The following ESYT2 variants were observed in gnomAD, a reference collection of about 807,000 sequenced individuals.
ESYT2 encodes the protein extended synaptotagmin-2.
Under a neutral mutation model 107.2 loss-of-function variants are expected in ESYT2, and 54 were observed. The observed-to-expected ratio is 0.50, with a 90% confidence interval of 0.40 to 0.63. The LOEUF is 0.63. Ranked by LOEUF, ESYT2 falls within the 30% of genes least tolerant of loss-of-function variation. The pLI is 0.00. For missense variants in ESYT2, 1,020 were observed against 1,094.5 expected, an observed-to-expected ratio of 0.93 and a Z score of 0.96; for synonymous variants, 491 against 434.1, an observed-to-expected ratio of 1.13 and a Z score of -1.63.
chr7:158,811,189 G>GA (rs1375900904), intron 1 of ESYT2, among the ~76,000 whole-genome samples: 2 of 151,858 alleles, frequency 1.3e-5, no homozygotes, highest in African/African-American at 4.8e-5. Flanking sequence ...TTAAAATTAA[G>GA]AAAAAAGAAA....
At chr7:158,823,233 T>G (rs1360927557) in intron 1 of ESYT2, among the ~76,000 whole-genome samples, 3 of 125,504 alleles carry the variant, frequency 2.4e-5, no homozygotes, top group Non-Finnish European at 4.7e-5. Flanking sequence ...AGGCGGAGGT[T>G]GCAGTGACCC....
At chr7:158,749,444 A>C (rs773417277) in intron 15 of ESYT2, among the ~76,000 whole-genome samples, 8 of 152,216 alleles carry the variant, frequency 5.3e-5, no homozygotes, top group Non-Finnish European at 1.2e-4. Context: ...AAAAATGAAC[A>C]GTATATTTCT....
At chr7:158,782,407 T>G (rs938813391) in intron 6 of ESYT2, among the ~76,000 whole-genome samples, 1 of 141,704 alleles carries the variant, frequency 7.1e-6, no homozygotes. Context: ...AACAAGTGAG[T>G]GAACGAGTGT....
Position 158,813,032 on chromosome 7 carries a change from T to C in ESYT2, c.331-13960A>G, listed in dbSNP as rs140639509. Among the ~76,000 whole-genome samples, 283 of 152,308 alleles carry C rather than the reference T, an allele frequency of 1.9e-3. 1 individual carries two copies. Among genetic ancestry groups the C allele is most frequent in the African/African-American group, 6.2e-3 (257 of 41,576 alleles). On this transcript the variant is annotated intron_variant, in intron 1 of 22. Transcript: ENST00000275418. ...GTGATGATTACACTACATGTAAAGGTAGTAAATGGCACTGAATTGTGTCCT... is the reference window on the plus strand; with the variant it reads ...GTGATGATTACACTACATGTAAAGGCAGTAAATGGCACTGAATTGTGTCCT...
At chr7:158,789,324 A>C (rs566879098) in intron 4 of ESYT2, among the ~76,000 whole-genome samples, 79 of 152,216 alleles carry the variant, frequency 5.2e-4, no homozygotes, top group Non-Finnish European at 9.6e-4. Flanking sequence ...TATTAAAAAA[A>C]CTTTCCTTTT....
chr7:158,747,101 G>T (rs1000405182), intron 16 of ESYT2, among the ~76,000 whole-genome samples: 1 of 151,926 alleles, frequency 6.6e-6, no homozygotes, highest in Non-Finnish European at 1.5e-5. Context: ...ATCCCAGCAC[G>T]TTGGGAGGCC....
At chr7:158,737,209 A>G (rs377389303) in intron 19 of ESYT2, 30 bp from the exon 20 acceptor site, 90 of 1,601,080 alleles carry the variant, frequency 5.6e-5, no homozygotes, top group Non-Finnish European at 7.1e-5. Flanking sequence ...AAGACGAGGT[A>G]TTAGGACCGA....
chr7:158,767,580 C>A, intron 8 of ESYT2, 74 bp downstream of exon 8: 1 of 1,557,916 alleles, frequency 6.4e-7, no homozygotes, highest in East Asian at 2.3e-5. Flanking sequence ...AGTCACAGCA[C>A]CCAATGCCAC....
chr7:158,798,000 C>A lies in ESYT2; in HGVS notation c.449G>T (p.Arg150Leu). Reference sequence around the variant, plus strand: ...GGTGCTAAGGTGGGTGTTTGCTCCCCGCACGGCTGGTTCTATAGTTTCTCG... The same window carrying A: ...GGTGCTAAGGTGGGTGTTTGCTCCCAGCACGGCTGGTTCTATAGTTTCTCG... ...LFRETIEPAV[R>L]GANTHLSTFS... The change falls in exon 3 of 23, where the codon CGG becomes CTG. Residue 150 changes from arginine to leucine, a missense_variant. Physicochemically the swap from Arg to Leu is moderately radical, Grantham distance 102. Coordinates refer to ENST00000275418, the MANE Select transcript of ESYT2 (RefSeq NM_001367773.1). 6.2e-7 allele frequency: 1 copy of A among 1,614,150 alleles called. No homozygotes were observed. The highest frequency in any genetic ancestry group is 8.5e-7 in the Non-Finnish European group (1 of 1,179,994).
intron 6 of ESYT2, among the ~76,000 whole-genome samples, chr7:158,787,578 G>A (rs1462175885): frequency 6.6e-6 from 1 of 152,184 alleles, no homozygotes; most frequent in Non-Finnish European, 1.5e-5. Flanking sequence ...AACTGGATCT[G>A]TATACAGGCT....
At chr7:158,768,986 A>G (rs140374005) in intron 7 of ESYT2, among the ~76,000 whole-genome samples, 5 of 152,358 alleles carry the variant, frequency 3.3e-5, no homozygotes, top group Non-Finnish European at 7.3e-5. Context: ...GTTGCTGTAT[A>G]ACACCTTTAC....
intron 1 of ESYT2, among the ~76,000 whole-genome samples, chr7:158,801,553 A>G (rs1563029488): frequency 1.3e-5 from 2 of 152,232 alleles, no homozygotes; most frequent in Non-Finnish European, 2.9e-5. Flanking sequence ...TCACAGAGAA[A>G]GACTGGGACA....
intron 1 of ESYT2, among the ~76,000 whole-genome samples, chr7:158,813,834 C>T (rs9638145): frequency 0.093 from 13,940 of 149,744 alleles, 1,059 homozygotes; most frequent in East Asian, 0.43. Context: ...TAAAAATATA[C>T]GTTCCTCGTC....
intron 3 of ESYT2, 28 bp downstream of exon 3, chr7:158,797,914 A>T: frequency 6.2e-7 from 1 of 1,606,220 alleles, no homozygotes; most frequent in Non-Finnish European, 8.5e-7. Context: ...GACTGTGTGC[A>T]CGTGAGGATA....
intron 18 of ESYT2, among the ~76,000 whole-genome samples, chr7:158,741,225 G>A (rs1837189389): frequency 6.6e-6 from 1 of 152,188 alleles, no homozygotes; most frequent in Non-Finnish European, 1.5e-5. Flanking sequence ...AGAGGCCCAG[G>A]CACACAGCAG....
At chr7:158,821,978 G>A (rs1282990720) in intron 1 of ESYT2, among the ~76,000 whole-genome samples, 1 of 152,014 alleles carries the variant, frequency 6.6e-6, no homozygotes, top group East Asian at 1.9e-4. Context: ...CCGTGACACT[G>A]GAGCCATCAC....
At chr7:158,746,229 GACAC>G (rs55828446) in intron 16 of ESYT2, among the ~76,000 whole-genome samples, 6 of 147,902 alleles carry the variant, frequency 4.1e-5, no homozygotes, top group Admixed American at 6.8e-5. Flanking sequence ...TACATAAATA[GACAC>G]ACACACACAC....
At chr7:158,826,073 A>C (rs1014387392) in intron 1 of ESYT2, among the ~76,000 whole-genome samples, 2 of 151,896 alleles carry the variant, frequency 1.3e-5, no homozygotes, top group African/African-American at 4.8e-5. Flanking sequence ...CTGAAATCTT[A>C]ACTTTTCTTA....
At chr7:158,773,469 G>A in intron 6 of ESYT2, 73 bp from the exon 7 acceptor site, 1 of 1,487,880 alleles carries the variant, frequency 6.7e-7, no homozygotes. Flanking sequence ...ACACAGGCTT[G>A]TTTCTTTGTA....
Sources: allele counts gnomAD v4.1 joint callset (sites outside exome capture counted in the v4.1 genomes callset), GRCh38; gene constraint gnomAD v4.1.1; transcripts MANE v1.5; gene names NCBI Gene and HGNC (gene_info 2026-07-23, HGNC 2026-07-21).